STK32A: variants seen among roughly 807,000 people sequenced by gnomAD.
STK32A encodes serine/threonine kinase 32A.
In STK32A, 41 loss-of-function variants were observed where a neutral mutation model predicts 53.2. The ratio of observed to expected loss-of-function variants is 0.77; its 90% CI spans 0.60 to 1.00. The LOEUF is 1.00. Among genes scored for constraint, STK32A ranks in the 50% least tolerant of loss-of-function variants. The pLI is 0.00. For missense variants in STK32A, 458 were observed against 485.8 expected (o/e 0.94, Z 0.54); for synonymous variants, 166 against 162.8 (o/e 1.02, Z -0.15).
intron 2 of STK32A, among the ~76,000 whole-genome samples, chr5:147,243,031 A>C (rs1238025777): frequency 1.3e-5 from 2 of 152,212 alleles, no homozygotes; most frequent in East Asian, 3.8e-4. Flanking sequence ...GGCCAGTATC[A>C]AGGGCACTAA....
At chr5:147,250,941 CAAAAAA>C (rs71001422) in intron 2 of STK32A, among the ~76,000 whole-genome samples, 4 of 101,172 alleles carry the variant, frequency 4.0e-5, no homozygotes, top group Admixed American at 1.1e-4. Context: ...GACTCCATCT[CAAAAAA>C]AAAAAAAAAA....
intron 10 of STK32A, among the ~76,000 whole-genome samples, chr5:147,374,612 T>C (rs1457290360): frequency 6.6e-6 from 1 of 152,100 alleles, no homozygotes; most frequent in Non-Finnish European, 1.5e-5. Flanking sequence ...CAATTAGCCA[T>C]CAATGCTGGC....
intron 4 of STK32A, among the ~76,000 whole-genome samples, chr5:147,295,736 T>G (rs1752836323): frequency 6.6e-6 from 1 of 152,218 alleles, no homozygotes; most frequent in Non-Finnish European, 1.5e-5. Flanking sequence ...TTTGCCAGTT[T>G]TCAATAGTTT....
chr5:147,285,356 G>T (rs1445023045), intron 4 of STK32A, among the ~76,000 whole-genome samples: 1 of 152,104 alleles, frequency 6.6e-6, no homozygotes, highest in East Asian at 1.9e-4. Flanking sequence ...AATTCTAGAA[G>T]ATAACATTGG....
intron 8 of STK32A, among the ~76,000 whole-genome samples, chr5:147,365,629 A>AT (rs199519790): frequency 0.019 from 2,894 of 151,774 alleles, 74 homozygotes; most frequent in African/African-American, 0.066. Context: ...TTCACCCTTA[A>AT]TTTTTTTCTC....
intron 4 of STK32A, among the ~76,000 whole-genome samples, chr5:147,322,302 C>T (rs1754361276): frequency 6.6e-6 from 1 of 152,150 alleles, no homozygotes; most frequent in African/African-American, 2.4e-5. Flanking sequence ...CTAAATTTTT[C>T]CAAGACGTAT....
rs535299534 is a variant in STK32A, at chr5:147,350,417, A to G, written c.473-648A>G. ...CACTCTGTCACCCAGGCTGGAGTGC[A>G]GTGGTGTGATCTCAGCTCACTGCAA... On this transcript the variant is annotated intron_variant, in intron 6 of 12. Transcript: ENST00000397936. Among the ~76,000 whole-genome samples the G allele has an allele frequency of 4.6e-5, 7 of 151,286 alleles. No individual in the cohort carries two copies. In the South Asian group the frequency reaches 1.5e-3, roughly 32 times the overall value.
downstream of STK32A, chr5:147,392,033 T>C (rs1008630789): frequency 5.3e-5 from 8 of 152,236 alleles, no homozygotes; most frequent in African/African-American, 1.7e-4. Flanking sequence ...TGTGTGTCTT[T>C]TCCTCTATCT....
At chr5:147,389,729 G>C (rs1757752344), downstream of STK32A, among the ~76,000 whole-genome samples, 1 of 152,122 alleles carries the variant, frequency 6.6e-6, no homozygotes, top group South Asian at 2.1e-4. Flanking sequence ...AATTAGCCGG[G>C]TTGTGGTGGC....
intron 2 of STK32A, among the ~76,000 whole-genome samples, chr5:147,268,100 G>A (rs1754884626): frequency 6.6e-6 from 1 of 151,624 alleles, no homozygotes; most frequent in African/African-American, 2.4e-5. Flanking sequence ...TTTGATGGGT[G>A]GACACACTTG....
At chr5:147,273,493 T>A in intron 2 of STK32A, among the ~76,000 whole-genome samples, 1 of 152,200 alleles carries the variant, frequency 6.6e-6, no homozygotes, top group Non-Finnish European at 1.5e-5. Flanking sequence ...TTTTACCCAC[T>A]CCTCCACTCA....
chr5:147,317,642 A>T (rs1581085268), intron 4 of STK32A, among the ~76,000 whole-genome samples: 2 of 152,082 alleles, frequency 1.3e-5, no homozygotes, highest in East Asian at 3.9e-4. Flanking sequence ...GGTTTTTTTC[A>T]ACAAAAAATT....
At chr5:147,339,158 T>G (rs1265912319) in intron 5 of STK32A, among the ~76,000 whole-genome samples, 1 of 152,196 alleles carries the variant, frequency 6.6e-6, no homozygotes, top group Non-Finnish European at 1.5e-5. Context: ...AATGGTTTCA[T>G]GGGCTGGGCC....
At chr5:147,277,483 A>T (rs1751816028) in intron 2 of STK32A, among the ~76,000 whole-genome samples, 1 of 152,220 alleles carries the variant, frequency 6.6e-6, no homozygotes, top group African/African-American at 2.4e-5. Context: ...GGACTTCTGC[A>T]CACATATCCA....
intron 4 of STK32A, among the ~76,000 whole-genome samples, chr5:147,292,735 C>T (rs1752660863): frequency 1.3e-5 from 2 of 152,094 alleles, no homozygotes; most frequent in South Asian, 2.1e-4. Flanking sequence ...GTGGCACATG[C>T]CTGTAATCCC....
At chr5:147,255,764 T>C (rs1438570912) in intron 2 of STK32A, among the ~76,000 whole-genome samples, 3 of 152,248 alleles carry the variant, frequency 2.0e-5, no homozygotes. Flanking sequence ...ATCTCTAGTG[T>C]AGTTAATAAA....
intron 11 of STK32A, among the ~76,000 whole-genome samples, chr5:147,378,537 T>C (rs1757320017): frequency 6.6e-6 from 1 of 152,140 alleles, no homozygotes; most frequent in Non-Finnish European, 1.5e-5. Flanking sequence ...CAGTATCATA[T>C]TAGCTATAGC....
At chr5:147,378,840 C>CT (rs71001434) in intron 11 of STK32A, among the ~76,000 whole-genome samples, 2 of 28,094 alleles carry the variant, frequency 7.1e-5, no homozygotes, top group African/African-American at 1.2e-4. Flanking sequence ...TGCCTCCAGT[C>CT]TTTTTTTTTT....
intron 2 of STK32A, among the ~76,000 whole-genome samples, chr5:147,255,388 C>G (rs186829248): frequency 4.2e-4 from 64 of 152,258 alleles, no homozygotes; most frequent in African/African-American, 1.4e-3. Context: ...GCCTCTGCAT[C>G]TACTTACGGA....
Sources: gnomAD v4.1 joint callset for allele counts (sites outside exome capture counted in the v4.1 genomes callset) on GRCh38, gnomAD v4.1.1 for gene constraint, MANE v1.5 for transcripts, NCBI Gene and HGNC (gene_info 2026-07-23, HGNC 2026-07-21) for gene names.